Variants in ATP9B observed in about 807,000 individuals in gnomAD.
ATP9B encodes the protein probable phospholipid-transporting ATPase IIB.
A neutral mutation model predicts 146.1 loss-of-function variants in ATP9B; 110 were observed. The ratio of observed to expected loss-of-function variants is 0.75; its 90% CI spans 0.65 to 0.88. ATP9B has a LOEUF of 0.88. Among genes scored for constraint, ATP9B ranks in the 40% least tolerant of loss-of-function variants. The pLI, the probability that ATP9B is intolerant of heterozygous loss-of-function variation, is 0.00. For missense variants in ATP9B, 1,499 were observed against 1,496.4 expected (o/e 1.00, Z -0.03); for synonymous variants, 604 against 569.7 (o/e 1.06, Z -0.86).
At chr18:79,275,284 T>C (rs762766700) in intron 12 of ATP9B, among the ~76,000 whole-genome samples, 6 of 152,176 alleles carry the variant, frequency 3.9e-5, no homozygotes, top group South Asian at 2.1e-4. Context: ...CCTGCCTCCT[T>C]CTTTCTTGAG....
Position 79,377,388 on chromosome 18 carries a change from C to T in ATP9B, c.*5C>T. ...TACTGCAAGCTGGCCTCCTAAGGGGCTGTGCACCCCCAGCGGGCTGGCCCC... is the reference window on the plus strand; with the variant it reads ...TACTGCAAGCTGGCCTCCTAAGGGGTTGTGCACCCCCAGCGGGCTGGCCCC... On this transcript the variant is annotated 3_prime_UTR_variant, in exon 30 of 30. Coordinates refer to ENST00000426216, the MANE Select transcript of ATP9B (RefSeq NM_198531.5). 4 of 1,606,308 alleles carry T rather than the reference C, an allele frequency of 2.5e-6. No homozygotes were observed. The highest frequency in any genetic ancestry group is 2.5e-6 in the Non-Finnish European group (3 of 1,179,950).
intron 12 of ATP9B, among the ~76,000 whole-genome samples, chr18:79,268,254 G>C (rs980733511): frequency 6.6e-6 from 1 of 151,908 alleles, no homozygotes; most frequent in African/African-American, 2.4e-5. Flanking sequence ...CTTGTAATTA[G>C]CGTACATCTT....
Position 79,302,364 on chromosome 18 carries a change from G to A in ATP9B, c.1412-1240G>A, listed in dbSNP as rs183789926. Among the ~76,000 whole-genome samples the A allele has an allele frequency of 4.7e-5, 7 of 147,550 alleles. 1 individual carries two copies. The East Asian group carries it at 8.0e-4, about 17-fold the overall frequency. ...CCCGGGGACAAGGTGAAAGCACCAC[G>A]CGTGGCACCACGTTGTGAAATAAGT... On this transcript the variant is annotated intron_variant, in intron 13 of 29. Transcript: ENST00000426216.
chr18:79,360,642 T>C (rs922077916), intron 26 of ATP9B: 3 of 152,254 alleles, frequency 2.0e-5, no homozygotes, highest in African/African-American at 7.2e-5. Flanking sequence ...TGTTAACTTT[T>C]TGATTTCTTG....
chr18:79,377,111 GCC>G, intron 29 of ATP9B, 134 bp from the exon 30 acceptor site: 1 of 978,484 alleles, frequency 1.0e-6, no homozygotes, highest in Non-Finnish European at 1.5e-6. Flanking sequence ...TTGGAGCTGG[GCC>G]CCTGTAAATG....
In ATP9B at chr18:79,126,405, G is replaced by A. The variant is rs190335209; in HGVS notation, c.667+30G>A. ...GCAAGATGCTTTAATCCTGCTTAGCGTTTGCTTACTGTAATTATCATTTTA... is the reference window on the plus strand; with the variant it reads ...GCAAGATGCTTTAATCCTGCTTAGCATTTGCTTACTGTAATTATCATTTTA... On this transcript the variant is annotated intron_variant, in intron 5 of 29. Coordinates refer to ENST00000426216, the MANE Select transcript of ATP9B (RefSeq NM_198531.5). 8.4e-5 allele frequency: 123 copies of A among 1,458,680 alleles called. No homozygotes were observed. In the South Asian group the frequency reaches 9.5e-4, roughly 11 times the overall value. The allele number at this position is 1,458,680 out of a possible 1,614,324, so 90.4% of individuals were successfully genotyped here. A position where few individuals can be genotyped will look rare whatever the true frequency, so the allele number is the denominator to read the frequency against.
intron 15 of ATP9B, among the ~76,000 whole-genome samples, chr18:79,320,333 GA>G (rs1241493505): frequency 6.6e-6 from 1 of 152,140 alleles, no homozygotes; most frequent in Non-Finnish European, 1.5e-5. Flanking sequence ...AGGGGAAGGG[GA>G]GGGGCACACA....
intron 2 of ATP9B, among the ~76,000 whole-genome samples, chr18:79,106,165 T>C (rs2075636991): frequency 6.6e-6 from 1 of 152,198 alleles, no homozygotes; most frequent in African/African-American, 2.4e-5. Flanking sequence ...TAAGGCAATT[T>C]AAATATAAGG....
At chr18:79,326,623 A>C (rs1017945639) in intron 15 of ATP9B, among the ~76,000 whole-genome samples, 23 of 152,066 alleles carry the variant, frequency 1.5e-4, no homozygotes, top group African/African-American at 5.6e-4. Flanking sequence ...ATCTCTGCAC[A>C]CTCCGTCCCC....
chr18:79,166,459 G>A (rs1298924075), intron 7 of ATP9B, among the ~76,000 whole-genome samples: 1 of 152,180 alleles, frequency 6.6e-6, no homozygotes, highest in African/African-American at 2.4e-5. Flanking sequence ...ATGGTCCTCT[G>A]TCCCCAAGGT....
chr18:79,097,699 C>T (rs375372152), intron 2 of ATP9B, among the ~76,000 whole-genome samples: 2 of 147,466 alleles, frequency 1.4e-5, no homozygotes, highest in Non-Finnish European at 1.5e-5. Context: ...CTACAAAGGA[C>T]ATGAACTCAT....
intron 19 of ATP9B, 77 bp from the exon 20 acceptor site, chr18:79,342,191 G>A: frequency 1.7e-6 from 2 of 1,171,288 alleles, no homozygotes; most frequent in Non-Finnish European, 1.3e-6. Context: ...CCTTTTGGCT[G>A]TTGTGAATTA....
chr18:79,253,505 G>T lies in ATP9B; in HGVS notation c.1232G>T (p.Arg411Leu), dbSNP rs145020816. 1 of 1,604,916 alleles carries T rather than the reference G, an allele frequency of 6.2e-7. No homozygotes were observed. ...FVGPWYRNLF[R>L]FLLLFSYIIP... ...GGTCCATGGTACCGCAATCTTTTTC[G>T]GTTCCTTCTCCTCTTTTCTTACATC... Residue 411 changes from arginine (R) to leucine (L), a missense_variant, in exon 12 of 30, where the codon CGG becomes CTG. By Grantham distance (102) the Arg-to-Leu change is moderately radical. Transcript: ENST00000426216.
chr18:79,337,134 G>C, intron 18 of ATP9B, 145 bp from the exon 19 acceptor site: 2 of 1,158,592 alleles, frequency 1.7e-6, no homozygotes, highest in Non-Finnish European at 2.5e-6. Flanking sequence ...ATGCAGTCCA[G>C]CTCTGTGGAG....
chr18:79,243,085 C>T (rs551140433), intron 11 of ATP9B, among the ~76,000 whole-genome samples: 7 of 152,298 alleles, frequency 4.6e-5, no homozygotes, highest in Admixed American at 4.6e-4. Flanking sequence ...CTTTCTCTTT[C>T]TTTGCTATTC....
intron 15 of ATP9B, chr18:79,307,450 C>G (rs1029225140): frequency 4.8e-6 from 3 of 620,698 alleles, no homozygotes; most frequent in Middle Eastern, 4.5e-4. Context: ...GCCGCCACAT[C>G]TCGGCACATC....
At chr18:79,349,032 C>T (rs1338519942) in intron 25 of ATP9B, among the ~76,000 whole-genome samples, 3 of 152,172 alleles carry the variant, frequency 2.0e-5, no homozygotes, top group East Asian at 1.9e-4. Context: ...ACACCAAAAG[C>T]ACAGCAGGCA....
chr18:79,241,356 G>C (rs2095886709), intron 11 of ATP9B, among the ~76,000 whole-genome samples: 1 of 152,134 alleles, frequency 6.6e-6, no homozygotes, highest in Non-Finnish European at 1.5e-5. Context: ...CATTTGAGCA[G>C]GAAGTCTTGA....
At chr18:79,212,284 C>A (rs1331695893) in intron 10 of ATP9B, among the ~76,000 whole-genome samples, 1 of 152,116 alleles carries the variant, frequency 6.6e-6, no homozygotes, top group Non-Finnish European at 1.5e-5. Flanking sequence ...CTTACGAGAG[C>A]CTTTAGCAAA....
Sources: gnomAD v4.1 joint callset for allele counts (sites outside exome capture counted in the v4.1 genomes callset) on GRCh38, gnomAD v4.1.1 for gene constraint, MANE v1.5 for transcripts, NCBI Gene and HGNC (gene_info 2026-07-23, HGNC 2026-07-21) for gene names.